The following SPATA13 variants were observed in gnomAD, a reference collection of about 807,000 sequenced individuals.
SPATA13 encodes the protein spermatogenesis-associated protein 13.
Under a neutral mutation model 104.0 loss-of-function variants are expected in SPATA13, and 50 were observed. The observed-to-expected ratio is 0.48, with a 90% CI of 0.38 to 0.61. The LOEUF (loss-of-function observed/expected upper bound fraction) is 0.61, where lower values mean the gene tolerates loss of function less well. Among genes scored for constraint, SPATA13 ranks in the 20% least tolerant of loss-of-function variants. The probability of loss-of-function intolerance (pLI) is 0.00; values close to 1 mark genes in which losing one functional copy is unlikely to be tolerated. For missense variants in SPATA13, 1,524 were observed against 1,690.6 expected, an observed-to-expected ratio of 0.90 and a Z score of 1.73; for synonymous variants, 606 against 667.5, an observed-to-expected ratio of 0.91 and a Z score of 1.42.
At chr13:24,135,877 C>A (rs1881549094) in intron 3 of SPATA13, among the ~76,000 whole-genome samples, 1 of 152,012 alleles carries the variant, frequency 6.6e-6, no homozygotes, top group Non-Finnish European at 1.5e-5. Flanking sequence ...CTCAGCCCGA[C>A]CTGAGGCAGG....
chr13:24,051,688 AGAG>A lies in SPATA13; in HGVS notation c.-112+33991_-112+33993del, dbSNP rs1878346069. On this transcript the variant is annotated intron_variant, in intron 3 of 14. Transcript: ENST00000424834. This position sits in a 1 kb window ranked among gnomAD's most constrained non-coding sequence, Gnocchi z 4.2. ...AGGGGAAGCTGAGAAGAGATTACAC[AGAG>A]GAGATGATATGAGGCGAATCTTCAG... 1.3e-5 allele frequency among the ~76,000 whole-genome samples: 2 copies of A among 152,120 alleles called. No individual in the cohort carries two copies. Among genetic ancestry groups the A allele is most frequent in the Admixed American group, 6.5e-5 (1 of 15,274 alleles).
In SPATA13 at chr13:24,235,798, T is replaced by C. The variant is rs142734171; in HGVS notation, c.1653+11216T>C. 4.2e-4 allele frequency among the ~76,000 whole-genome samples: 64 copies of C among 152,368 alleles called. 1 individual carries two copies. Among genetic ancestry groups the C allele is most frequent in the African/African-American group, 1.5e-3 (63 of 41,588 alleles). On this transcript the variant is annotated intron_variant, in intron 2 of 12. Transcript: ENST00000382108. ...TTGGTCTAAAATATGTTGAGCAGTG[T>C]AAGTCTAGCAATTGCTCCATCCACT...
At chr13:24,227,384 T>A (rs1241708038) in intron 2 of SPATA13, among the ~76,000 whole-genome samples, 1 of 152,226 alleles carries the variant, frequency 6.6e-6, no homozygotes, top group East Asian at 1.9e-4. Context: ...TTTTATGGTT[T>A]TATATGTATA....
chr13:24,247,478 C>CTTTTTTTTTTT (rs10625714), intron 2 of SPATA13, among the ~76,000 whole-genome samples: 4,487 of 86,970 alleles, frequency 0.052, 1,010 homozygotes, highest in Non-Finnish European at 0.071. Flanking sequence ...TCCACATTCA[C>CTTTTTTTTTTT]TTTTTTTTTT....
At chr13:24,036,764 G>A (rs777255145) in intron 3 of SPATA13, among the ~76,000 whole-genome samples, 7 of 151,998 alleles carry the variant, frequency 4.6e-5, no homozygotes, top group Non-Finnish European at 8.8e-5. Context: ...TTCAAATAAC[G>A]TTATTGTCGG....
At chr13:24,301,199 C>T (rs990954898) in intron 12 of SPATA13, among the ~76,000 whole-genome samples, 3 of 152,120 alleles carry the variant, frequency 2.0e-5, no homozygotes, top group African/African-American at 7.2e-5. Context: ...ACTTTATTCC[C>T]GTCATCTTTC....
chr13:24,288,908 C>A, intron 7 of SPATA13, 91 bp from the exon 8 acceptor site: 1 of 1,147,272 alleles, frequency 8.7e-7, no homozygotes, highest in Non-Finnish European at 1.2e-6. Context: ...AAATTCATTC[C>A]AAGTTCATGG....
At chr13:24,113,246 G>C (rs996188580) in intron 3 of SPATA13, among the ~76,000 whole-genome samples, 4 of 152,228 alleles carry the variant, frequency 2.6e-5, no homozygotes, top group African/African-American at 9.6e-5. Flanking sequence ...CTAGGCAAAA[G>C]TTACTTTGGT....
In SPATA13 at chr13:24,160,914, C is replaced by T; in HGVS notation, c.-130C>T. 2.0e-6 allele frequency: 2 copies of T among 985,646 alleles called. No individual in the cohort carries two copies. Among genetic ancestry groups the T allele is most frequent in the Non-Finnish European group, 2.4e-6 (2 of 830,150 alleles). 61.1% of individuals were successfully genotyped at this position (985,646 alleles called of 1,614,324 possible). A position where few individuals can be genotyped will look rare whatever the true frequency, so the allele number is the denominator to read the frequency against. On this transcript the variant is annotated 5_prime_UTR_variant, in exon 1 of 13. Transcript: ENST00000382108. The stretch of plus-strand genomic sequence containing the variant: ...GGACACGCTGACTTTGTAGGCTCCG[C>T]CAAGAGGCGCCGCAGGAGGTAAGAC...
intron 3 of SPATA13, among the ~76,000 whole-genome samples, chr13:24,137,686 G>A (rs547818173): frequency 7.8e-4 from 119 of 152,262 alleles, no homozygotes; most frequent in Non-Finnish European, 1.6e-3. Flanking sequence ...TTGAGCCTGG[G>A]GGGCGGAGGT....
At chr13:24,189,279 G>C (rs1216277654) in intron 1 of SPATA13, among the ~76,000 whole-genome samples, 2 of 151,758 alleles carry the variant, frequency 1.3e-5, no homozygotes, top group African/African-American at 4.8e-5. Context: ...AGACCATCCT[G>C]GCTAACACAG....
chr13:23,991,944 C>T (rs1875434299), intron 2 of SPATA13, among the ~76,000 whole-genome samples: 1 of 152,196 alleles, frequency 6.6e-6, no homozygotes, highest in Admixed American at 6.5e-5. Context: ...GGGAAGAGGA[C>T]ACGGTGATGA....
chr13:24,104,102 G>A (rs917855373), intron 3 of SPATA13, among the ~76,000 whole-genome samples: 4 of 152,060 alleles, frequency 2.6e-5, no homozygotes, highest in East Asian at 1.9e-4. Flanking sequence ...AACTGTTAGA[G>A]AGCTGTAGAT....
chr13:24,191,486 A>G (rs566625197), intron 1 of SPATA13, among the ~76,000 whole-genome samples: 89 of 140,392 alleles, frequency 6.3e-4, no homozygotes, highest in Admixed American at 1.2e-3. Flanking sequence ...CCTCTTTCTC[A>G]CTATACATTG....
intron 3 of SPATA13, among the ~76,000 whole-genome samples, chr13:24,097,661 A>G (rs1438570992): frequency 6.6e-6 from 1 of 152,212 alleles, no homozygotes; most frequent in African/African-American, 2.4e-5. Context: ...AACTACCAAC[A>G]AAAACAAGCC....
chr13:24,184,940 C>G (rs1054083489), intron 1 of SPATA13, among the ~76,000 whole-genome samples: 1 of 152,186 alleles, frequency 6.6e-6, no homozygotes, highest in Admixed American at 6.5e-5. Context: ...CTTCTTTACT[C>G]TTCCAGAGTC....
chr13:24,221,886 C>G (rs1871607246), intron 1 of SPATA13, among the ~76,000 whole-genome samples: 1 of 148,268 alleles, frequency 6.7e-6, no homozygotes, highest in African/African-American at 2.5e-5. Context: ...AATCTTGGCT[C>G]ACTGCAACTT....
chr13:24,206,567 T>C (rs1259874988), intron 1 of SPATA13, among the ~76,000 whole-genome samples: 1 of 152,168 alleles, frequency 6.6e-6, no homozygotes, highest in East Asian at 1.9e-4. Context: ...ACTGGGTATA[T>C]ACCCAAAGGA....
chr13:24,103,013 G>GAA (rs1462157583), intron 3 of SPATA13, among the ~76,000 whole-genome samples: 38 of 152,196 alleles, frequency 2.5e-4, no homozygotes, highest in African/African-American at 8.7e-4. Context: ...CGTTTTCCCA[G>GAA]CACCTTTTGT....
Sources: gnomAD v4.1 joint callset for allele counts (sites outside exome capture counted in the v4.1 genomes callset) on GRCh38, gnomAD v4.1.1 for gene constraint, Gnocchi (gnomAD v3.1) non-coding constraint, MANE v1.5 for transcripts, NCBI Gene and HGNC (gene_info 2026-07-23, HGNC 2026-07-21) for gene names.